PLEK: variants seen among roughly 807,000 people sequenced by gnomAD.
PLEK encodes pleckstrin.
In PLEK, 25 loss-of-function variants were observed where a neutral mutation model predicts 43.9. That is an observed-to-expected ratio of 0.57 (90% CI 0.41 to 0.79). PLEK has a LOEUF of 0.79. Among genes scored for constraint, PLEK ranks in the 30% least tolerant of loss-of-function variants. The probability of loss-of-function intolerance (pLI) is 0.00; values close to 1 mark genes in which losing one functional copy is unlikely to be tolerated. For synonymous variants in PLEK, 152 were observed against 144.4 expected, an observed-to-expected ratio of 1.05 and a Z score of -0.38; for missense variants, 396 against 413.3, an observed-to-expected ratio of 0.96 and a Z score of 0.36.
chr2:68,372,468 G>A (rs899326139), intron 1 of PLEK, among the ~76,000 whole-genome samples: 3 of 151,646 alleles, frequency 2.0e-5, no homozygotes, highest in South Asian at 2.1e-4. Context: ...GAGCCACTGC[G>A]CCCAGCCGAG....
At chr2:68,393,320 C>T in intron 7 of PLEK, 75 bp downstream of exon 7, 2 of 985,580 alleles carry the variant, frequency 2.0e-6, no homozygotes, top group Non-Finnish European at 3.3e-6. Context: ...TCCTATTCCC[C>T]TCTCTACTCT....
rs1157781609 is a variant in PLEK at position 68,386,491 on chromosome 2, G to C, written c.473-11G>C. 6.2e-7 allele frequency: 1 copy of C among 1,611,114 alleles called. No individual in the cohort carries two copies. The highest frequency in any genetic ancestry group is 8.5e-7 in the Non-Finnish European group (1 of 1,177,908). ...AGGAGAGTTAACCTTCCCTGTGCTG[G>C]TCCCATCTAGGTAACTGCGTCATTG... On this transcript the variant is annotated splice_polypyrimidine_tract_variant and intron_variant, in intron 4 of 8. Coordinates refer to ENST00000234313, the MANE Select transcript of PLEK (RefSeq NM_002664.3).
chr2:68,391,753 C>A (rs977879854), intron 6 of PLEK, among the ~76,000 whole-genome samples: 1 of 152,172 alleles, frequency 6.6e-6, no homozygotes, highest in Non-Finnish European at 1.5e-5. Context: ...TACATGCTTG[C>A]CAATATGTGG....
intron 4 of PLEK, among the ~76,000 whole-genome samples, chr2:68,385,258 G>T (rs1380902192): frequency 1.3e-5 from 2 of 151,994 alleles, no homozygotes; most frequent in African/African-American, 4.8e-5. Flanking sequence ...TTTTTTTGTT[G>T]TAAGAACAAA....
rs1362418676 is a variant in PLEK at position 68,380,339 on chromosome 2, C to T, written c.54C>T (p.Phe18=). 5 of 1,612,580 alleles carry T rather than the reference C, an allele frequency of 3.1e-6. No homozygotes were observed. The highest frequency in any genetic ancestry group is 3.3e-5 in the Admixed American group (2 of 59,918). The change falls in exon 2 of 9, where the codon TTC becomes TTT. Residue 18 remains phenylalanine, a synonymous_variant. Transcript: ENST00000234313. Reference sequence around the variant, plus strand: ...GGTTGTCATTACAGGGGAGCGTGTTCAATACGTGGAAACCCATGTGGGTTG... The same window carrying T: ...GGTTGTCATTACAGGGGAGCGTGTTTAATACGTGGAAACCCATGTGGGTTG... ...EGYLVKKGSV[F]NTWKPMWVVL...
At chr2:68,389,407 G>C (rs1262908750) in intron 6 of PLEK, among the ~76,000 whole-genome samples, 1 of 152,234 alleles carries the variant, frequency 6.6e-6, no homozygotes, top group Non-Finnish European at 1.5e-5. Context: ...TCCATGTACT[G>C]TCTATAGGCT....
At chr2:68,382,926 A>C (rs1300014261) in intron 4 of PLEK, among the ~76,000 whole-genome samples, 1 of 152,206 alleles carries the variant, frequency 6.6e-6, no homozygotes, top group African/African-American at 2.4e-5. Context: ...GACTTGCTAG[A>C]AATAGACACA....
chr2:68,389,816 C>A (rs925085470), intron 6 of PLEK, among the ~76,000 whole-genome samples: 3 of 152,150 alleles, frequency 2.0e-5, no homozygotes, highest in African/African-American at 7.2e-5. Flanking sequence ...AGTTTGCCCG[C>A]TGCTGCTTTC....
At chr2:68,365,447 T>C in intron 1 of PLEK, 54 bp downstream of exon 1, 3 of 1,419,274 alleles carry the variant, frequency 2.1e-6, no homozygotes, top group Non-Finnish European at 3.0e-6. Flanking sequence ...TGGGGAGACT[T>C]GGGTTCAGCT....
In PLEK at chr2:68,386,315, G is replaced by A. The variant is rs1673740291; in HGVS notation, c.473-187G>A. ...GATGTTCTTAAAAACCCTTTACATA[G>A]TTTTTTGTTTGTTTGTTTGTTTCTA... On this transcript the variant is annotated intron_variant, in intron 4 of 8. Coordinates refer to ENST00000234313, the MANE Select transcript of PLEK (RefSeq NM_002664.3). Among the ~76,000 whole-genome samples the A allele has an allele frequency of 2.6e-5, 4 of 151,972 alleles. No individual in the cohort carries two copies. In the South Asian group the frequency reaches 8.3e-4, roughly 32 times the overall value.
rs75594470 is a variant in PLEK at position 68,380,539 on chromosome 2, G to A, written c.198+56G>A. On this transcript the variant is annotated intron_variant, in intron 2 of 8. Coordinates refer to ENST00000234313, the MANE Select transcript of PLEK (RefSeq NM_002664.3). Reference sequence around the variant, plus strand: ...CCTGGTCAGGCACTCAACTTTTGGTGCAAGCATTGCCTACAATGTGGGTGG... The same window carrying A: ...CCTGGTCAGGCACTCAACTTTTGGTACAAGCATTGCCTACAATGTGGGTGG... 2.1e-3 allele frequency: 3,258 copies of A among 1,552,244 alleles called. 48 individuals carry two copies. In the South Asian group the frequency reaches 0.024, roughly 11 times the overall value.
intron 1 of PLEK, 114 bp downstream of exon 1, chr2:68,365,507 G>T: frequency 1.2e-6 from 1 of 857,382 alleles, no homozygotes; most frequent in African/African-American, 1.7e-5. Flanking sequence ...AACCAGTTGG[G>T]TTGAAATAGG....
chr2:68,377,164 C>T (rs939810655), intron 1 of PLEK, among the ~76,000 whole-genome samples: 1 of 152,210 alleles, frequency 6.6e-6, no homozygotes, highest in African/African-American at 2.4e-5. Context: ...TTTATCCACT[C>T]ATCTGTTGAG....
rs374851488 is a variant in PLEK, at chr2:68,394,188, T to C, written c.916+12T>C. The C allele has an allele frequency of 2.6e-6, 4 of 1,562,954 alleles. No homozygotes were observed. The highest frequency in any genetic ancestry group is 1.7e-4 in the Middle Eastern group (1 of 5,972). ...GAGCAACTCAAATGGTAAGATGAATTTCTGTGTGAGAGAGGTGGGTCTGCT... is the reference window on the plus strand; with the variant it reads ...GAGCAACTCAAATGGTAAGATGAATCTCTGTGTGAGAGAGGTGGGTCTGCT... On this transcript the variant is annotated intron_variant, in intron 8 of 8. Coordinates refer to ENST00000234313, the MANE Select transcript of PLEK (RefSeq NM_002664.3).
chr2:68,397,049 G>C lies in PLEK; in HGVS notation c.*1233G>C, dbSNP rs1320707156. On this transcript the variant is annotated 3_prime_UTR_variant, in exon 9 of 9. Coordinates refer to ENST00000234313, the MANE Select transcript of PLEK (RefSeq NM_002664.3). ...AGTGATCTAACCTAGACTAAAATTG[G>C]GAACTTATTTGCAATTTTTGACCCT... is the stretch of plus-strand genomic sequence containing the variant. The C allele has an allele frequency of 2.6e-5, 4 of 152,068 alleles. No individual in the cohort carries two copies. Among genetic ancestry groups the C allele is most frequent in the Admixed American group, 2.6e-4 (4 of 15,272 alleles). The allele number at this position is 152,068 out of a possible 1,614,324, so 9.4% of individuals were successfully genotyped here.
intron 6 of PLEK, among the ~76,000 whole-genome samples, chr2:68,392,631 C>T (rs1673883400): frequency 6.6e-6 from 1 of 152,164 alleles, no homozygotes; most frequent in African/African-American, 2.4e-5. Flanking sequence ...GTCAGTTGTC[C>T]TCCTACCCAC....
Position 68,380,447 on chromosome 2 carries a change from T to C in PLEK, c.162T>C (p.Thr54=). ...PKGMIPLKGS[T]LTSPCQDFGK... is the part of the protein sequence containing the mutation. ...GAATGATCCCGCTGAAAGGGAGCAC[T>C]CTGACTAGCCCTTGTCAAGACTTTG... Residue 54 remains threonine, a synonymous_variant, in exon 2 of 9, where the codon ACT becomes ACC. Coordinates refer to ENST00000234313, the MANE Select transcript of PLEK (RefSeq NM_002664.3). 6.2e-7 allele frequency: 1 copy of C among 1,614,032 alleles called. No homozygotes were observed. The highest frequency in any genetic ancestry group is 8.5e-7 in the Non-Finnish European group (1 of 1,179,906).
chr2:68,386,686 T>A lies in PLEK; in HGVS notation c.657T>A (p.Phe219Leu), dbSNP rs1343863210. Residue 219 changes from phenylalanine to leucine, a missense_variant and splice_region_variant, in exon 5 of 9, where the codon TTT (phenylalanine) becomes TTA (leucine). Coordinates refer to ENST00000234313, the MANE Select transcript of PLEK (RefSeq NM_002664.3). Reference protein sequence around the residue: ...FLDNPDAFYYFPDSGFFCEEN... With the variant: ...FLDNPDAFYYLPDSGFFCEEN... The stretch of plus-strand genomic sequence containing the variant: ...ACAACCCTGATGCCTTCTACTACTT[T>A]GTAAGAAAAGCTCCCCATCTCTTCT... 6.2e-7 allele frequency: 1 copy of A among 1,610,246 alleles called. No individual in the cohort carries two copies. Among genetic ancestry groups the A allele is most frequent in the South Asian group, 1.1e-5 (1 of 90,812 alleles).
At chr2:68,393,293 C>G in intron 7 of PLEK, 48 bp downstream of exon 7, 4 of 1,190,082 alleles carry the variant, frequency 3.4e-6, no homozygotes, top group South Asian at 1.2e-5. Context: ...AAATCCACTG[C>G]ATTTATAATC....
Sources: gnomAD v4.1 joint callset for allele counts (sites outside exome capture counted in the v4.1 genomes callset) on GRCh38, gnomAD v4.1.1 for gene constraint, MANE v1.5 for transcripts, NCBI Gene and HGNC (gene_info 2026-07-23, HGNC 2026-07-21) for gene names.